CACNA1E: variants seen among roughly 807,000 people sequenced by gnomAD.
The protein encoded by CACNA1E is voltage-dependent R-type calcium channel subunit alpha-1E.
Under a neutral mutation model 259.2 loss-of-function variants are expected in CACNA1E, and 40 were observed. The observed-to-expected ratio is 0.15, with a 90% CI of 0.12 to 0.20. The LOEUF is 0.20. CACNA1E is among the 10% of genes least tolerant of loss of function. The pLI is 1.00. For missense variants in CACNA1E, 1,874 were observed against 3,040.1 expected (o/e 0.62, Z 9.02); for synonymous variants, 1,104 against 1,138.5 (o/e 0.97, Z 0.61).
chr1:181,577,449 G>T (rs1448986617), intron 3 of CACNA1E, among the ~76,000 whole-genome samples: 1 of 152,194 alleles, frequency 6.6e-6, no homozygotes, highest in Non-Finnish European at 1.5e-5. Context: ...TTGAAACAGG[G>T]CAGAGAGGAG....
At chr1:181,716,325 G>C (rs1295411032) in intron 10 of CACNA1E, among the ~76,000 whole-genome samples, 196 bp downstream of exon 10, 2 of 150,552 alleles carry the variant, frequency 1.3e-5, no homozygotes, top group Non-Finnish European at 3.0e-5. Context: ...ACCTGGGGAT[G>C]CTATTTATTC....
chr1:181,409,892 T>C (rs1353329507), intron 1 of CACNA1E, among the ~76,000 whole-genome samples: 1 of 152,174 alleles, frequency 6.6e-6, no homozygotes, highest in Non-Finnish European at 1.5e-5. Context: ...AAAGATGTGA[T>C]TCAAATTGGC....
intron 1 of CACNA1E, among the ~76,000 whole-genome samples, chr1:181,412,110 C>T (rs761280762): frequency 1.3e-5 from 2 of 152,238 alleles, no homozygotes; most frequent in Non-Finnish European, 2.9e-5. Context: ...TGAATACGTA[C>T]GTCTTTCAGA....
rs1400594832 is a variant in CACNA1E, at chr1:181,733,730, T to G, written c.3242T>G (p.Val1081Gly). The G allele has an allele frequency of 6.4e-7, 1 of 1,569,092 alleles. No individual in the cohort carries two copies. The highest frequency in any genetic ancestry group is 8.6e-7 in the Non-Finnish European group (1 of 1,157,496). The part of the protein sequence containing the change: ...TVAIPDVDPL[V>G]DSTVVHISNK... ...GCCATCCCCGACGTGGACCCCTTGG[T>G]GGACTCAACCGTGGTGCACAGTGAG... The change falls in exon 21 of 48, where the codon GTG becomes GGG. Residue 1081 changes from valine (V) to glycine (G), a missense_variant. This residue lies in a region of CACNA1E where 476 missense variants were observed against 514.0 expected (regional missense o/e 0.93). Transcript: ENST00000367573.
intron 2 of CACNA1E, among the ~76,000 whole-genome samples, chr1:181,425,789 G>A (rs904087875): frequency 2.6e-5 from 4 of 151,940 alleles, no homozygotes; most frequent in Non-Finnish European, 5.9e-5. Flanking sequence ...TTCTCTCGAA[G>A]CCTGTAGCAG....
At chr1:181,701,310 T>G (rs770605660) in intron 7 of CACNA1E, among the ~76,000 whole-genome samples, 3 of 152,236 alleles carry the variant, frequency 2.0e-5, no homozygotes, top group Non-Finnish European at 2.9e-5. Context: ...GAAATGTGTC[T>G]CTGAGAAGAA....
intron 1 of CACNA1E, among the ~76,000 whole-genome samples, chr1:181,365,849 A>G (rs895209645): frequency 1.3e-5 from 2 of 152,244 alleles, no homozygotes; most frequent in African/African-American, 4.8e-5. Context: ...GCTGGTAGCT[A>G]CAGCATCCTC....
intron 24 of CACNA1E, 74 bp from the exon 25 acceptor site, chr1:181,739,073 A>G (rs897738332): frequency 9.0e-6 from 8 of 892,792 alleles, no homozygotes; most frequent in Non-Finnish European, 1.3e-5. Flanking sequence ...GGGCACTGCC[A>G]TGATGAACAG....
At chr1:181,616,227 T>C (rs1655194293) in intron 6 of CACNA1E, among the ~76,000 whole-genome samples, 1 of 152,246 alleles carries the variant, frequency 6.6e-6, no homozygotes, top group Admixed American at 6.5e-5. Flanking sequence ...AAGCTAGATA[T>C]GCTGTCTTTT....
intron 7 of CACNA1E, among the ~76,000 whole-genome samples, chr1:181,684,944 T>C (rs1650364806): frequency 6.6e-6 from 1 of 151,254 alleles, no homozygotes; most frequent in African/African-American, 2.4e-5. Flanking sequence ...TGATTTGTGA[T>C]TGGACAGCCT....
chr1:181,684,175 T>C (rs1650277074), intron 7 of CACNA1E, among the ~76,000 whole-genome samples: 1 of 152,232 alleles, frequency 6.6e-6, no homozygotes, highest in East Asian at 1.9e-4. Context: ...ATGGCCATTA[T>C]GACTGGTGTG....
intron 25 of CACNA1E, among the ~76,000 whole-genome samples, chr1:181,742,135 C>T (rs1656638270): frequency 6.6e-6 from 1 of 152,190 alleles, no homozygotes; most frequent in Admixed American, 6.5e-5. Context: ...CCAGGTAATG[C>T]TTTCTCTCAC....
At chr1:181,704,903 A>G (rs917868957) in intron 7 of CACNA1E, among the ~76,000 whole-genome samples, 2 of 152,118 alleles carry the variant, frequency 1.3e-5, no homozygotes, top group African/African-American at 2.4e-5. Context: ...TCATCGCTAG[A>G]CAAGCATCGA....
At chr1:181,785,496 G>A in intron 42 of CACNA1E, 78 bp downstream of exon 42, 2 of 1,053,370 alleles carry the variant, frequency 1.9e-6, no homozygotes, top group South Asian at 1.3e-5. Flanking sequence ...CCTCCCTGGG[G>A]CATAGTGCCC....
intron 3 of CACNA1E, among the ~76,000 whole-genome samples, chr1:181,556,515 G>T (rs1648737856): frequency 6.6e-6 from 1 of 152,208 alleles, no homozygotes; most frequent in African/African-American, 2.4e-5. Context: ...GGTGGAGCAG[G>T]CCAGCCTGTC....
chr1:181,724,394 G>A, intron 16 of CACNA1E, 76 bp from the exon 17 acceptor site: 1 of 1,160,668 alleles, frequency 8.6e-7, no homozygotes, highest in Non-Finnish European at 1.3e-6. Context: ...AGGCAGGAAA[G>A]ATTATCAGGT....
At chr1:181,656,855 A>G (rs1659247375) in intron 7 of CACNA1E, among the ~76,000 whole-genome samples, 1 of 152,200 alleles carries the variant, frequency 6.6e-6, no homozygotes, top group African/African-American at 2.4e-5. Flanking sequence ...ATAATTTCCT[A>G]CAGTATTTAG....
At chr1:181,607,381 C>A (rs1203397700) in intron 6 of CACNA1E, among the ~76,000 whole-genome samples, 1 of 152,158 alleles carries the variant, frequency 6.6e-6, no homozygotes, top group Non-Finnish European at 1.5e-5. Flanking sequence ...ATTTTGTTGT[C>A]ACACTCACTA....
chr1:181,781,155 G>C (rs1572880793), intron 38 of CACNA1E, among the ~76,000 whole-genome samples: 1 of 152,134 alleles, frequency 6.6e-6, no homozygotes, highest in Non-Finnish European at 1.5e-5. Flanking sequence ...CAGTTTTCCC[G>C]GGTCTGTGTG....
Sources: gnomAD v4.1 joint callset for allele counts (sites outside exome capture counted in the v4.1 genomes callset) on GRCh38, gnomAD v4.1.1 for gene constraint, gnomAD v4.1.1 regional missense constraint, MANE v1.5 for transcripts, NCBI Gene and HGNC (gene_info 2026-07-23, HGNC 2026-07-21) for gene names.